Variants in AK3 observed in about 807,000 individuals in gnomAD.
AK3 encodes the protein adenylate kinase 3.
Under a neutral mutation model 23.7 loss-of-function variants are expected in AK3, and 27 were observed. The observed-to-expected ratio is 1.14, with a 90% CI of 0.84 to 1.57. AK3 has a LOEUF of 1.57. Among genes scored for constraint, AK3 ranks in the 40% most tolerant of loss-of-function variants. The pLI is 0.00. For synonymous variants in AK3, 159 were observed against 116.0 expected (o/e 1.37, Z -2.38); for missense variants, 406 against 285.6 (o/e 1.42, Z -3.04).
At chr9:4,732,445 C>T (rs1003324029) in intron 1 of AK3, among the ~76,000 whole-genome samples, 5 of 152,122 alleles carry the variant, frequency 3.3e-5, no homozygotes, top group African/African-American at 1.2e-4. Flanking sequence ...GAATCGGCAG[C>T]CCTAACCCCA....
chr9:4,735,014 G>T (rs746546610), intron 1 of AK3, among the ~76,000 whole-genome samples: 13 of 151,640 alleles, frequency 8.6e-5, no homozygotes, highest in Non-Finnish European at 1.8e-4. Context: ...TGTGGGGTAG[G>T]AACAGAAGTG....
chr9:4,714,026 CTACACAT>C, intron 4 of AK3, among the ~76,000 whole-genome samples: 1 of 2,586 alleles, frequency 3.9e-4, no homozygotes, highest in African/African-American at 9.5e-4. Context: ...ACATATACAG[CTACACAT>C]ATACATCTAC....
In AK3 at chr9:4,712,999, G is replaced by A. The variant is rs368373795; in HGVS notation, c.661C>T (p.Gln221Ter). The A allele has an allele frequency of 4.3e-5, 70 of 1,613,388 alleles. No homozygotes were observed. Among genetic ancestry groups the A allele is most frequent in the Non-Finnish European group, 5.8e-5 (68 of 1,179,672 alleles). ...FLQTKVPQRS[Q>*]KASVTP ...CCTCATGGAGTAACTGAAGCTTTCT[G>A]GCTTCTTTGTGGAACTTTAGTTTGT... Residue 221 changes from glutamine (Q) to a stop codon, truncating the protein, a stop_gained, in exon 5 of 5, where the codon CAG becomes TAG. Transcript: ENST00000381809. LOFTEE classifies it high-confidence loss of function.
At chr9:4,724,764 G>T (rs1457671505) in intron 1 of AK3, among the ~76,000 whole-genome samples, 1 of 132,006 alleles carries the variant, frequency 7.6e-6, no homozygotes, top group Non-Finnish European at 1.6e-5. Flanking sequence ...GGGCAACGGA[G>T]TGAGACCCTG....
Position 4,719,095 on chromosome 9 carries a change from G to T in AK3, c.444+40C>A, listed in dbSNP as rs374681642. Reference sequence around the variant, plus strand: ...TGTCTGTTAGGGCAAGAGGACTCAGGGACAGTCTGCTATGTGACAGTTCCA... The same window carrying T: ...TGTCTGTTAGGGCAAGAGGACTCAGTGACAGTCTGCTATGTGACAGTTCCA... On this transcript the variant is annotated intron_variant, in intron 3 of 4. Transcript: ENST00000381809. 9.5e-5 allele frequency: 153 copies of T among 1,608,272 alleles called. No homozygotes were observed. The African/African-American group carries it at 2.0e-3, about 21-fold the overall frequency.
chr9:4,718,576 T>G, intron 3 of AK3, 39 bp from the exon 4 acceptor site: 1 of 1,408,282 alleles, frequency 7.1e-7, no homozygotes, highest in Non-Finnish European at 1.0e-6. Context: ...AGATATCATA[T>G]TTCTGAAAGA....
At chr9:4,729,191 G>A (rs1476774437) in intron 1 of AK3, among the ~76,000 whole-genome samples, 2 of 151,700 alleles carry the variant, frequency 1.3e-5, no homozygotes, top group Non-Finnish European at 1.5e-5. Context: ...TGTATTTTTA[G>A]TAGGGACAGG....
upstream of AK3, chr9:4,741,319 C>A (rs949106762): frequency 4.9e-6 from 2 of 404,112 alleles, no homozygotes; most frequent in Non-Finnish European, 8.4e-6. Flanking sequence ...CGCCCCCGAC[C>A]GAGCGCCTGT....
chr9:4,722,067 C>A (rs1841912190), intron 2 of AK3, among the ~76,000 whole-genome samples: 1 of 152,150 alleles, frequency 6.6e-6, no homozygotes. Context: ...CCAAGTTTAT[C>A]CCAGTTTTAG....
Position 4,712,934 on chromosome 9 carries a change from A to G in AK3, c.*42T>C. On this transcript the variant is annotated 3_prime_UTR_variant, in exon 5 of 5. Transcript: ENST00000381809. ...GCAGCTTCTAAATGCAAGGACTAGG[A>G]GGTTTGCCCATCTTACTATTAATAG... The G allele has an allele frequency of 6.3e-7, 1 of 1,597,208 alleles. No homozygotes were observed. Among genetic ancestry groups the G allele is most frequent in the South Asian group, 1.1e-5 (1 of 88,632 alleles).
intron 1 of AK3, among the ~76,000 whole-genome samples, chr9:4,735,467 T>TACATATAA (rs1842267535): frequency 2.6e-5 from 1 of 39,072 alleles, no homozygotes; most frequent in African/African-American, 6.6e-5. Context: ...AGTATATGTG[T>TACATATAA]ATATATATAT....
chr9:4,735,408 A>AATATATATATATATAAAT (rs372866258), intron 1 of AK3, among the ~76,000 whole-genome samples: 1 of 77,330 alleles, frequency 1.3e-5, no homozygotes, highest in African/African-American at 7.5e-5. Flanking sequence ...TACATATATA[A>AATATATATATATATAAAT]ATATATATAC....
At chr9:4,724,279 C>G (rs117039046) in intron 1 of AK3, among the ~76,000 whole-genome samples, 18 of 152,060 alleles carry the variant, frequency 1.2e-4, no homozygotes, top group African/African-American at 3.9e-4. Flanking sequence ...TGTAAAAACA[C>G]GCAATTCTCT....
chr9:4,727,591 T>A (rs1184740474), intron 1 of AK3, among the ~76,000 whole-genome samples: 1 of 152,220 alleles, frequency 6.6e-6, no homozygotes, highest in African/African-American at 2.4e-5. Flanking sequence ...ATGATGTGGC[T>A]GGTCTGATCT....
chr9:4,717,538 A>T (rs1251816380), intron 4 of AK3, among the ~76,000 whole-genome samples: 1 of 152,194 alleles, frequency 6.6e-6, no homozygotes, highest in Admixed American at 6.5e-5. Context: ...CCCAGCATTC[A>T]TTCCAGCCCT....
intron 1 of AK3, among the ~76,000 whole-genome samples, chr9:4,738,073 G>A (rs927561281): frequency 3.9e-5 from 6 of 152,092 alleles, no homozygotes; most frequent in African/African-American, 1.2e-4. Context: ...TTATGTGCAG[G>A]GATAGTCATA....
Position 4,713,153 on chromosome 9 carries a change from C to G in AK3, c.564-57G>C, listed in dbSNP as rs1177739480. 3.1e-6 allele frequency: 5 copies of G among 1,590,728 alleles called. No individual in the cohort carries two copies. The African/African-American group carries it at 4.1e-5, about 13-fold the overall frequency. ...CACAGGTCTGAGTCTTCCTAATAAG[C>G]TCTTTCAAAGCCTTTCTGTAAATAA... On this transcript the variant is annotated intron_variant, in intron 4 of 4. Coordinates refer to ENST00000381809, the MANE Select transcript of AK3 (RefSeq NM_016282.4).
chr9:4,724,494 C>T (rs1841975926), intron 1 of AK3, among the ~76,000 whole-genome samples: 1 of 152,132 alleles, frequency 6.6e-6, no homozygotes, highest in Non-Finnish European at 1.5e-5. Flanking sequence ...ATTAGAGATT[C>T]TAGCCAAGGC....
chr9:4,718,240 C>T (rs181680081), intron 4 of AK3, among the ~76,000 whole-genome samples, 179 bp downstream of exon 4: 2 of 152,364 alleles, frequency 1.3e-5, no homozygotes, highest in Admixed American at 6.5e-5. Context: ...CCAGGTGTGA[C>T]TGAAGCCCAA....
Sources: gnomAD v4.1 joint callset for allele counts (sites outside exome capture counted in the v4.1 genomes callset) on GRCh38, gnomAD v4.1.1 for gene constraint, MANE v1.5 for transcripts, NCBI Gene and HGNC (gene_info 2026-07-23, HGNC 2026-07-21) for gene names.